AGBL1: variants seen among roughly 807,000 people sequenced by gnomAD.
The protein encoded by AGBL1 is AGBL carboxypeptidase 1, also known as cytosolic carboxypeptidase 4.
AGBL1 carries 130 observed loss-of-function variants against 118.9 expected under a neutral mutation model. The ratio of observed to expected loss-of-function variants is 1.09; its 90% CI spans 0.95 to 1.26. The LOEUF (loss-of-function observed/expected upper bound fraction) is 1.26. Among genes scored for constraint, AGBL1 ranks in the 50% most tolerant of loss-of-function variants. The pLI is 0.00. For synonymous variants in AGBL1, 555 were observed against 478.9 expected (o/e 1.16, Z -2.08); for missense variants, 1,584 against 1,298.1 (o/e 1.22, Z -3.38).
intron 17 of AGBL1, among the ~76,000 whole-genome samples, chr15:86,395,064 T>C (rs1213494597): frequency 6.6e-6 from 1 of 152,180 alleles, no homozygotes; most frequent in South Asian, 2.1e-4. Context: ...TGGTAACTGA[T>C]GACTCTGCAA....
chr15:86,883,624 C>T (rs533658038), intron 22 of AGBL1, among the ~76,000 whole-genome samples: 1 of 152,264 alleles, frequency 6.6e-6, no homozygotes, highest in African/African-American at 2.4e-5. Context: ...TCTCCAAGCC[C>T]ATCTCGCCCC....
chr15:86,731,378 TC>T (rs962182351), intron 22 of AGBL1, among the ~76,000 whole-genome samples: 13 of 152,172 alleles, frequency 8.5e-5, no homozygotes, highest in Non-Finnish European at 1.6e-4. Flanking sequence ...GACTAGAGAT[TC>T]TCCACCATTG....
At chr15:86,210,583 C>G (rs773015705) in intron 5 of AGBL1, among the ~76,000 whole-genome samples, 1 of 152,060 alleles carries the variant, frequency 6.6e-6, no homozygotes, top group East Asian at 1.9e-4. Flanking sequence ...ATCACTGATA[C>G]CCTTTCTTCC....
intron 21 of AGBL1, among the ~76,000 whole-genome samples, chr15:86,585,278 A>G (rs189495697): frequency 6.6e-6 from 1 of 152,256 alleles, no homozygotes; most frequent in East Asian, 1.9e-4. Context: ...CTGGAGTGTG[A>G]TGGAGTCAGA....
At chr15:86,639,527 G>A (rs944185549) in intron 21 of AGBL1, among the ~76,000 whole-genome samples, 3 of 152,144 alleles carry the variant, frequency 2.0e-5, no homozygotes, top group South Asian at 2.1e-4. Context: ...TGCATCTTCT[G>A]TGCCACACCT....
At chr15:86,196,493 A>T (rs1357473283) in intron 5 of AGBL1, among the ~76,000 whole-genome samples, 1 of 152,158 alleles carries the variant, frequency 6.6e-6, no homozygotes, top group Non-Finnish European at 1.5e-5. Flanking sequence ...AGAATTGGGT[A>T]TTAGCCTTAT....
intron 5 of AGBL1, among the ~76,000 whole-genome samples, chr15:86,170,782 G>T (rs1049758497): frequency 6.6e-6 from 1 of 151,598 alleles, no homozygotes; most frequent in Non-Finnish European, 1.5e-5. Flanking sequence ...GTGGATGAAT[G>T]TTGCAGTGAG....
intron 22 of AGBL1, among the ~76,000 whole-genome samples, chr15:86,733,812 A>G (rs719864): frequency 0.012 from 1,864 of 152,306 alleles, 27 homozygotes; most frequent in East Asian, 0.068. Context: ...TATCCTGGTT[A>G]AAAGTGTCTT....
chr15:86,255,690 G>C (rs755111904), intron 7 of AGBL1, among the ~76,000 whole-genome samples: 1 of 152,134 alleles, frequency 6.6e-6, no homozygotes, highest in Admixed American at 6.5e-5. Context: ...GCTGAGGCAG[G>C]ATAATTGCTT....
At chr15:86,778,115 T>C (rs941487924) in intron 22 of AGBL1, among the ~76,000 whole-genome samples, 1 of 152,216 alleles carries the variant, frequency 6.6e-6, no homozygotes, top group African/African-American at 2.4e-5. Context: ...TGATGGCCCC[T>C]GAGCCGTAAA....
At chr15:87,024,852 C>T (rs2081708899) in intron 24 of AGBL1, among the ~76,000 whole-genome samples, 1 of 151,894 alleles carries the variant, frequency 6.6e-6, no homozygotes, top group Non-Finnish European at 1.5e-5. Flanking sequence ...ATGTGATACA[C>T]CACATAAACA....
chr15:86,191,042 A>T (rs946182174), intron 5 of AGBL1, among the ~76,000 whole-genome samples: 2 of 152,128 alleles, frequency 1.3e-5, no homozygotes, highest in Non-Finnish European at 2.9e-5. Context: ...TGCCTGAAGA[A>T]GACAGAAACT....
chr15:86,581,599 TA>T (rs2142332499), intron 21 of AGBL1, among the ~76,000 whole-genome samples: 1 of 152,300 alleles, frequency 6.6e-6, no homozygotes, highest in East Asian at 1.9e-4. Flanking sequence ...CCAGTTTCCA[TA>T]ACAAATCAAT....
chr15:86,622,686 C>T (rs145152572), intron 21 of AGBL1, among the ~76,000 whole-genome samples: 1 of 152,248 alleles, frequency 6.6e-6, no homozygotes, highest in African/African-American at 2.4e-5. Context: ...CAGCAATCCT[C>T]AACCATTTTG....
At chr15:86,723,780 A>G (rs552594890) in intron 22 of AGBL1, among the ~76,000 whole-genome samples, 1 of 152,210 alleles carries the variant, frequency 6.6e-6, no homozygotes. Context: ...GAAAAAAAGA[A>G]GAAGAAAGGA....
chr15:86,760,236 T>A (rs553596728), intron 22 of AGBL1, among the ~76,000 whole-genome samples: 1 of 152,210 alleles, frequency 6.6e-6, no homozygotes, highest in South Asian at 2.1e-4. Context: ...GACTACCTCA[T>A]GACTAAATTG....
intron 22 of AGBL1, among the ~76,000 whole-genome samples, chr15:86,726,013 A>G (rs920454943): frequency 1.3e-5 from 2 of 152,222 alleles, no homozygotes; most frequent in African/African-American, 4.8e-5. Flanking sequence ...ATTTTGTTCA[A>G]CCTTCACCAA....
chr15:86,865,473 A>G (rs2079613748), intron 22 of AGBL1, among the ~76,000 whole-genome samples: 1 of 152,210 alleles, frequency 6.6e-6, no homozygotes, highest in African/African-American at 2.4e-5. Flanking sequence ...CGGAGGAGTG[A>G]ATATAGGCAG....
chr15:86,983,778 A>G (rs577811547), intron 23 of AGBL1, among the ~76,000 whole-genome samples: 1 of 152,274 alleles, frequency 6.6e-6, no homozygotes, highest in Admixed American at 6.5e-5. Flanking sequence ...TTTTATATAA[A>G]TACAATCGTA....
Sources: allele counts gnomAD v4.1 joint callset (sites outside exome capture counted in the v4.1 genomes callset), GRCh38; gene constraint gnomAD v4.1.1; transcripts MANE v1.5; gene names NCBI Gene and HGNC (gene_info 2026-07-23, HGNC 2026-07-21).